The following SATL1 variants were observed in gnomAD, a reference collection of about 807,000 sequenced individuals.
The protein encoded by SATL1 is spermidine/spermine N1-acetyl transferase like 1, also known as spermidine/spermine N(1)-acetyltransferase-like protein 1.
A neutral mutation model predicts 51.8 loss-of-function variants in SATL1; 47 were observed. The ratio of observed to expected loss-of-function variants is 0.91; its 90% CI spans 0.72 to 1.16. SATL1 has a LOEUF of 1.16. SATL1 is among the 50% of genes most tolerant of loss of function. The probability of loss-of-function intolerance (pLI) is 0.00; values close to 1 mark genes in which losing one functional copy is unlikely to be tolerated. For synonymous variants in SATL1, 176 were observed against 182.4 expected (o/e 0.97, Z 0.28); for missense variants, 520 against 526.4 (o/e 0.99, Z 0.12).
chrX:85,102,753 C>T (rs2147686444), intron 4 of SATL1, among the ~76,000 whole-genome samples: 1 of 111,517 alleles, frequency 9.0e-6, no homozygotes, highest in African/African-American at 3.3e-5. Context: ...TTGAGTATCT[C>T]TTATCCAAAA....
intron 2 of SATL1, among the ~76,000 whole-genome samples, chrX:85,217,812 C>T (rs892668291): frequency 1.8e-5 from 2 of 111,729 alleles, no homozygotes; most frequent in African/African-American, 6.5e-5. Flanking sequence ...GCCTATCTCT[C>T]TGACTATAAT....
chrX:85,197,767 G>T (rs182718812), intron 2 of SATL1, among the ~76,000 whole-genome samples: 1 of 107,344 alleles, frequency 9.3e-6, no homozygotes, highest in Non-Finnish European at 1.9e-5. Flanking sequence ...TTGTCCTTGC[G>T]ATAGTTTACT....
intron 2 of SATL1, among the ~76,000 whole-genome samples, chrX:85,113,978 G>A (rs975769704): frequency 2.7e-5 from 3 of 111,647 alleles, no homozygotes; most frequent in Non-Finnish European, 5.6e-5. Flanking sequence ...AGGGTATGAG[G>A]CCGGTTTTCA....
chrX:85,196,600 C>A (rs1927566944), intron 2 of SATL1, among the ~76,000 whole-genome samples: 1 of 111,653 alleles, frequency 9.0e-6, no homozygotes, highest in South Asian at 3.7e-4. Flanking sequence ...ATGAGGTAGG[C>A]TGATTTCAAA....
intron 2 of SATL1, among the ~76,000 whole-genome samples, chrX:85,172,427 A>C (rs1391923317): frequency 9.0e-6 from 1 of 111,299 alleles, no homozygotes; most frequent in Non-Finnish European, 1.9e-5. Context: ...CATACAAATA[A>C]ATGTGAAATT....
chrX:85,101,523 A>T (rs1384639089), intron 4 of SATL1, among the ~76,000 whole-genome samples: 1 of 112,334 alleles, frequency 8.9e-6, no homozygotes, highest in African/African-American at 3.2e-5. Context: ...TTACAAAAAA[A>T]CAAAAATAAG....
At chrX:85,228,018 C>T (rs967388881) in intron 1 of SATL1, among the ~76,000 whole-genome samples, 1 of 110,729 alleles carries the variant, frequency 9.0e-6, no homozygotes, top group Non-Finnish European at 1.9e-5. Flanking sequence ...GGCTATAGAA[C>T]AAAATATAGG....
intron 2 of SATL1, among the ~76,000 whole-genome samples, chrX:85,134,044 A>T (rs765605744): frequency 8.9e-6 from 1 of 111,994 alleles, no homozygotes; most frequent in East Asian, 2.8e-4. Context: ...CACCAGGAAG[A>T]AGAACATTTC....
intron 2 of SATL1, among the ~76,000 whole-genome samples, chrX:85,165,359 T>C (rs1358139848): frequency 9.0e-6 from 1 of 111,686 alleles, no homozygotes; most frequent in Non-Finnish European, 1.9e-5. Context: ...TAATTTTGTA[T>C]TTCTCTAAGT....
chrX:85,119,484 C>A (rs1289460483), intron 2 of SATL1, among the ~76,000 whole-genome samples: 2 of 111,823 alleles, frequency 1.8e-5, no homozygotes, highest in Non-Finnish European at 3.8e-5. Flanking sequence ...TTTATTTAAC[C>A]AATCTCATAT....
chrX:85,099,953 C>G (rs1313115875), intron 4 of SATL1, among the ~76,000 whole-genome samples: 1 of 112,613 alleles, frequency 8.9e-6, no homozygotes, highest in Non-Finnish European at 1.9e-5. Flanking sequence ...CGCCTGTAAT[C>G]CCAACACTTT....
intron 2 of SATL1, chrX:85,208,905 G>C (rs6623244): frequency 0.13 from 14,370 of 111,503 alleles, 711 homozygotes; most frequent in South Asian, 0.18. Context: ...AGTTGAATTA[G>C]ATCCCATTTG....
intron 2 of SATL1, among the ~76,000 whole-genome samples, chrX:85,201,413 T>C (rs937488788): frequency 9.0e-6 from 1 of 111,443 alleles, no homozygotes; most frequent in African/African-American, 3.3e-5. Context: ...TGATCTATTG[T>C]AAGTTATGCT....
intron 2 of SATL1, among the ~76,000 whole-genome samples, chrX:85,148,744 C>G (rs986906244): frequency 6.3e-5 from 7 of 111,060 alleles, no homozygotes; most frequent in Non-Finnish European, 9.4e-5. Context: ...GAAATAAAGT[C>G]CTTTACAGAC....
chrX:85,166,995 G>T (rs1301387194), intron 2 of SATL1, among the ~76,000 whole-genome samples: 2 of 97,406 alleles, frequency 2.1e-5, no homozygotes, highest in Non-Finnish European at 4.1e-5. Flanking sequence ...ATGGTATAAA[G>T]GTGTGTGTAT....
chrX:85,148,654 C>CAATA (rs1174594607), intron 2 of SATL1, among the ~76,000 whole-genome samples: 2 of 111,531 alleles, frequency 1.8e-5, no homozygotes, highest in African/African-American at 6.5e-5. Flanking sequence ...GAGTGGAGGC[C>CAATA]AATATTCAAC....
chrX:85,187,321 T>C (rs1328845241), intron 2 of SATL1, among the ~76,000 whole-genome samples: 1 of 111,782 alleles, frequency 8.9e-6, no homozygotes, highest in Non-Finnish European at 1.9e-5. Flanking sequence ...TTTATTTTTT[T>C]CTCTTGCCTA....
At chrX:85,186,155 C>T (rs967867194) in intron 2 of SATL1, among the ~76,000 whole-genome samples, 1 of 108,766 alleles carries the variant, frequency 9.2e-6, no homozygotes, top group African/African-American at 3.3e-5. Flanking sequence ...CAGGACTCTG[C>T]CTGGTGCCCT....
intron 2 of SATL1, chrX:85,211,377 T>A (rs749887545): frequency 9.0e-6 from 1 of 111,393 alleles, no homozygotes; most frequent in African/African-American, 3.3e-5. Flanking sequence ...TCAATGCCCA[T>A]ATTCTTGCAA....
Sources: allele counts gnomAD v4.1 joint callset (sites outside exome capture counted in the v4.1 genomes callset), GRCh38; gene constraint gnomAD v4.1.1; transcripts MANE v1.5; gene names NCBI Gene and HGNC (gene_info 2026-07-23, HGNC 2026-07-21).